Variants in SDK1 observed in about 807,000 individuals in gnomAD.
SDK1 encodes the protein protein sidekick-1.
SDK1 carries 157 observed loss-of-function variants against 245.5 expected under a neutral mutation model. The observed-to-expected ratio is 0.64, with a 90% CI of 0.56 to 0.73. The LOEUF (loss-of-function observed/expected upper bound fraction) is 0.73. Among genes scored for constraint, SDK1 ranks in the 30% least tolerant of loss-of-function variants. The pLI is 0.00. For missense variants in SDK1, 3,583 were observed against 3,002.3 expected (o/e 1.19, Z -4.52); for synonymous variants, 1,647 against 1,278.5 (o/e 1.29, Z -6.15).
At position 4,268,826 on chromosome 7, in the gene SDK1, C is replaced by G. The variant is rs1788632160; in HGVS notation, c.*3442C>G. 15 of 1,084,138 alleles carry G rather than the reference C, an allele frequency of 1.4e-5. No individual in the cohort carries two copies. The highest frequency in any genetic ancestry group is 2.0e-5 in the Non-Finnish European group (15 of 765,854). 67.2% of individuals were successfully genotyped at this position (1,084,138 alleles called of 1,614,324 possible). ...CCTGCCCGCTGGGACACGTCTCCTT[C>G]CCGCGTCACCTTCTGGTTTAGGGAG... On this transcript the variant is annotated 3_prime_UTR_variant, in exon 45 of 45. Coordinates refer to ENST00000404826, the MANE Select transcript of SDK1 (RefSeq NM_152744.4).
chr7:4,073,443 C>G (rs1384143813), intron 20 of SDK1, among the ~76,000 whole-genome samples: 2 of 152,202 alleles, frequency 1.3e-5, no homozygotes, highest in South Asian at 2.1e-4. Context: ...AATGTTGATC[C>G]TAATAAATTC....
chr7:4,008,494 C>A (rs573886315), intron 14 of SDK1, among the ~76,000 whole-genome samples: 4 of 152,226 alleles, frequency 2.6e-5, no homozygotes, highest in Non-Finnish European at 5.9e-5. Context: ...TCCCCATTGG[C>A]CGGGGTCGGG....
chr7:3,444,380 C>T (rs148651531), intron 1 of SDK1, among the ~76,000 whole-genome samples: 2 of 152,184 alleles, frequency 1.3e-5, no homozygotes, highest in Non-Finnish European at 2.9e-5. Flanking sequence ...TTTTCTCTAC[C>T]GTAGTCTCTT....
chr7:3,839,443 A>G (rs1415500539), intron 5 of SDK1, among the ~76,000 whole-genome samples: 2 of 152,224 alleles, frequency 1.3e-5, no homozygotes, highest in Non-Finnish European at 2.9e-5. Context: ...ATGTTTGATG[A>G]TAAATCACTG....
At chr7:3,594,552 G>C (rs193016406) in intron 1 of SDK1, among the ~76,000 whole-genome samples, 1 of 152,026 alleles carries the variant, frequency 6.6e-6, no homozygotes, top group Admixed American at 6.6e-5. Context: ...TTACATTGCC[G>C]CCGGTCATGT....
chr7:4,106,714 C>G (rs1036017834), intron 22 of SDK1, among the ~76,000 whole-genome samples: 10 of 152,166 alleles, frequency 6.6e-5, no homozygotes, highest in Admixed American at 2.0e-4. Flanking sequence ...TTCCCCCACT[C>G]TCCTGCTCTC....
chr7:3,998,421 A>G (rs1373902246), intron 14 of SDK1, among the ~76,000 whole-genome samples: 1 of 152,364 alleles, frequency 6.6e-6, no homozygotes, highest in East Asian at 1.9e-4. Flanking sequence ...ACTTCTTAGG[A>G]TTTTTTAAAA....
intron 1 of SDK1, among the ~76,000 whole-genome samples, chr7:3,457,838 T>A (rs1381335899): frequency 5.3e-5 from 8 of 152,176 alleles, no homozygotes; most frequent in South Asian, 2.1e-4. Flanking sequence ...TCTCTCTCTT[T>A]CTGGTTTTAC....
chr7:3,616,438 C>G (rs1296062039), intron 1 of SDK1, among the ~76,000 whole-genome samples: 3 of 152,286 alleles, frequency 2.0e-5, no homozygotes, highest in East Asian at 1.9e-4. Flanking sequence ...TGCAGAAAGT[C>G]TTGCTGTTCA....
intron 35 of SDK1, among the ~76,000 whole-genome samples, chr7:4,203,087 G>C (rs897007483): frequency 1.3e-5 from 2 of 152,222 alleles, no homozygotes; most frequent in South Asian, 4.1e-4. Context: ...TGCCGTTTGG[G>C]GCTTGGCTGC....
intron 4 of SDK1, among the ~76,000 whole-genome samples, chr7:3,744,396 C>G (rs1779558792): frequency 6.6e-6 from 1 of 152,116 alleles, no homozygotes; most frequent in Admixed American, 6.6e-5. Context: ...ATTTTGGGCA[C>G]AGACTTCATC....
chr7:3,730,722 A>T (rs1019603827), intron 4 of SDK1, among the ~76,000 whole-genome samples: 3 of 152,170 alleles, frequency 2.0e-5, no homozygotes, highest in African/African-American at 7.2e-5. Flanking sequence ...CCAGGAAACT[A>T]TCAAGAGTAA....
intron 1 of SDK1, among the ~76,000 whole-genome samples, chr7:3,555,762 A>G (rs1295442263): frequency 6.6e-6 from 1 of 152,304 alleles, no homozygotes; most frequent in East Asian, 1.9e-4. Context: ...TGGACAAAAG[A>G]TCTGAATAGA....
chr7:4,212,656 C>G (rs1365887587), intron 38 of SDK1, among the ~76,000 whole-genome samples: 3 of 152,182 alleles, frequency 2.0e-5, no homozygotes, highest in African/African-American at 7.2e-5. Flanking sequence ...CAGAAGCAGG[C>G]ATGCCATTTG....
At chr7:3,871,827 G>A (rs1156720785) in intron 5 of SDK1, among the ~76,000 whole-genome samples, 1 of 152,142 alleles carries the variant, frequency 6.6e-6, no homozygotes, top group Non-Finnish European at 1.5e-5. Flanking sequence ...ATTTGGAGGG[G>A]ACAAATGTCC....
chr7:3,408,198 T>C (rs1779102889), intron 1 of SDK1, among the ~76,000 whole-genome samples: 1 of 151,936 alleles, frequency 6.6e-6, no homozygotes, highest in African/African-American at 2.4e-5. Context: ...CCACCATGCC[T>C]GGCCAATTTT....
intron 37 of SDK1, among the ~76,000 whole-genome samples, chr7:4,209,258 G>T (rs1327687995): frequency 6.6e-6 from 1 of 152,206 alleles, no homozygotes; most frequent in African/African-American, 2.4e-5. Flanking sequence ...ACAGCTGTGG[G>T]TCCCAGAGAC....
chr7:3,638,405 G>C (rs2705598), intron 2 of SDK1, among the ~76,000 whole-genome samples: 97,346 of 151,464 alleles, frequency 0.64, 31,780 homozygotes, highest in South Asian at 0.81. Flanking sequence ...CAGTGATAGA[G>C]TGGACTAAGA....
intron 1 of SDK1, among the ~76,000 whole-genome samples, chr7:3,595,696 T>A (rs1482509687): frequency 1.3e-5 from 2 of 151,958 alleles, no homozygotes; most frequent in Admixed American, 1.3e-4. Context: ...TAGTCAAAGT[T>A]ACCAGTTCAA....
Sources: allele counts gnomAD v4.1 joint callset (sites outside exome capture counted in the v4.1 genomes callset), GRCh38; gene constraint gnomAD v4.1.1; transcripts MANE v1.5; gene names NCBI Gene and HGNC (gene_info 2026-07-23, HGNC 2026-07-21).